Variants in PCDHGB1 observed in about 807,000 individuals in gnomAD.
PCDHGB1 encodes protocadherin gamma-B1.
PCDHGB1 carries 34 observed loss-of-function variants against 56.6 expected under a neutral mutation model. The observed-to-expected ratio is 0.60, with a 90% CI of 0.46 to 0.80. The LOEUF (loss-of-function observed/expected upper bound fraction) is 0.80, where lower values mean the gene tolerates loss of function less well. PCDHGB1 is among the 30% of genes least tolerant of loss of function. The pLI, the probability that PCDHGB1 is intolerant of heterozygous loss-of-function variation, is 0.00. For missense variants in PCDHGB1, 1,278 were observed against 1,204.6 expected, an observed-to-expected ratio of 1.06 and a Z score of -0.90; for synonymous variants, 561 against 505.9, an observed-to-expected ratio of 1.11 and a Z score of -1.46.
intron 1 of PCDHGB1, chr5:141,441,780 C>A: frequency 2.6e-6 from 1 of 391,236 alleles, no homozygotes. Flanking sequence ...GGTGGACGAC[C>A]TGAATGACAA....
In PCDHGB1 at chr5:141,381,798, C is replaced by CTCTTTCTTTCTTTCTT. The variant is rs372235829; in HGVS notation, c.2409+29138_2409+29153dup. On this transcript the variant is annotated intron_variant, in intron 1 of 3. Coordinates refer to ENST00000523390, the MANE Select transcript of PCDHGB1 (RefSeq NM_018922.3). Reference sequence around the variant, plus strand: ...ATCAGGAACAAGGCAAGGCAATTCCCTCTTTCTTTCTTTCTTTCTTTCTTC... The same window carrying CTCTTTCTTTCTTTCTT: ...ATCAGGAACAAGGCAAGGCAATTCCCTCTTTCTTTCTTTCTTTCTTTCTTTCTTTCTTTCTTTCTTC... Among the ~76,000 whole-genome samples, 49 of 144,164 alleles carry CTCTTTCTTTCTTTCTT rather than the reference C, an allele frequency of 3.4e-4. 1 individual carries two copies. The highest frequency in any genetic ancestry group is 1.3e-3 in the African/African-American group (47 of 37,522). The allele number at this position is 144,164 out of a possible 152,430, so 94.6% of individuals were successfully genotyped here. A position where few individuals can be genotyped will look rare whatever the true frequency, so the allele number is the denominator to read the frequency against.
At chr5:141,355,194 G>A (rs768677645) in intron 1 of PCDHGB1, 3 of 1,595,232 alleles carry the variant, frequency 1.9e-6, no homozygotes, top group Non-Finnish European at 2.6e-6. Flanking sequence ...TCCGCGGCGG[G>A]GTTGTAATGG....
intron 1 of PCDHGB1, chr5:141,441,621 G>T: frequency 4.5e-6 from 1 of 223,408 alleles, no homozygotes; most frequent in South Asian, 5.2e-5. Context: ...CGTGGCCAGT[G>T]ACCTGGAGCC....
Position 141,491,498 on chromosome 5 carries a change from C to T in PCDHGB1, c.2410-3309C>T, listed in dbSNP as rs975297143. 2 of 1,614,102 alleles carry T rather than the reference C, an allele frequency of 1.2e-6. No homozygotes were observed. Among genetic ancestry groups the T allele is most frequent in the Non-Finnish European group, 1.7e-6 (2 of 1,180,018 alleles). ...TCCAGCCCCAACCTGCAGGTGAGCT[C>T]GGACGGCACGCTCAAGTACATGGAG... On this transcript the variant is annotated intron_variant, in intron 1 of 3. Transcript: ENST00000523390. The surrounding 1 kb of genome is among the most constrained non-coding windows in gnomAD (Gnocchi z 6.9).
chr5:141,408,889 A>G, intron 1 of PCDHGB1: 1 of 1,613,232 alleles, frequency 6.2e-7, no homozygotes, highest in Non-Finnish European at 8.5e-7. Flanking sequence ...CTCACATAGA[A>G]ATTTCTGTCA....
At chr5:141,395,088 C>G (rs778953049) in intron 1 of PCDHGB1, 31 of 1,614,076 alleles carry the variant, frequency 1.9e-5, no homozygotes, top group East Asian at 6.7e-5. Flanking sequence ...GGAAGTCTCC[C>G]TCACCGCCGA....
intron 3 of PCDHGB1, among the ~76,000 whole-genome samples, chr5:141,510,369 C>G (rs1403924479): frequency 7.1e-6 from 1 of 140,308 alleles, no homozygotes; most frequent in Non-Finnish European, 1.6e-5. Context: ...TACCGAATCT[C>G]TACTCGTGCC....
At chr5:141,435,941 A>G (rs1354198135) in intron 1 of PCDHGB1, among the ~76,000 whole-genome samples, 1 of 152,170 alleles carries the variant, frequency 6.6e-6, no homozygotes, top group Non-Finnish European at 1.5e-5. Flanking sequence ...TGCTTCTGAG[A>G]CCAAAAAAGG....
At chr5:141,387,385 T>C (rs998102373) in intron 1 of PCDHGB1, among the ~76,000 whole-genome samples, 4 of 152,206 alleles carry the variant, frequency 2.6e-5, no homozygotes, top group African/African-American at 9.6e-5. Flanking sequence ...TTTATATAGA[T>C]AGTGCATGTT....
At chr5:141,378,725 T>C (rs999480102) in intron 1 of PCDHGB1, 1 of 152,206 alleles carries the variant, frequency 6.6e-6, no homozygotes, top group Admixed American at 6.5e-5. Flanking sequence ...ATAGGAACTC[T>C]TTATTGAAAT....
intron 1 of PCDHGB1, among the ~76,000 whole-genome samples, chr5:141,472,908 C>T (rs1369506606): frequency 1.3e-5 from 2 of 149,744 alleles, no homozygotes; most frequent in African/African-American, 2.5e-5. Context: ...ATTGCTTGAA[C>T]CCAAGAGGAG....
chr5:141,476,184 T>C lies in PCDHGB1; in HGVS notation c.2410-18623T>C, dbSNP rs1038598087. ...AGGGTAGTGGGAGTTTTGCTTCTGC[T>C]TGGTGCCTTGAACAAGGCTTCCACG... On this transcript the variant is annotated intron_variant, in intron 1 of 3. Coordinates refer to ENST00000523390, the MANE Select transcript of PCDHGB1 (RefSeq NM_018922.3). The surrounding 1 kb of genome is among the most constrained non-coding windows in gnomAD (Gnocchi z 7.6). 1 of 1,613,708 alleles carries C rather than the reference T, an allele frequency of 6.2e-7. No homozygotes were observed. Among genetic ancestry groups the C allele is most frequent in the Non-Finnish European group, 8.5e-7 (1 of 1,179,992 alleles).
At chr5:141,395,138 C>G (rs147992300) in intron 1 of PCDHGB1, 3 of 1,614,204 alleles carry the variant, frequency 1.9e-6, no homozygotes, top group Non-Finnish European at 2.5e-6. Context: ...AGCCCAACTA[C>G]GCAGACATGC....
At chr5:141,404,601 T>G (rs2094545274) in intron 1 of PCDHGB1, 2 of 1,614,056 alleles carry the variant, frequency 1.2e-6, no homozygotes, top group Admixed American at 1.7e-5. Context: ...TCATTGAGAC[T>G]GTTTGTTTTG....
At chr5:141,471,422 A>T (rs919676109) in intron 1 of PCDHGB1, 5 of 152,176 alleles carry the variant, frequency 3.3e-5, no homozygotes, top group Non-Finnish European at 5.9e-5. Context: ...GTTTTTAGCA[A>T]GGAAAGTGTA....
At position 141,361,737 on chromosome 5, in the gene PCDHGB1, C is replaced by T. The variant is rs10062250; in HGVS notation, c.2409+9068C>T. On this transcript the variant is annotated intron_variant, in intron 1 of 3. Coordinates refer to ENST00000523390, the MANE Select transcript of PCDHGB1 (RefSeq NM_018922.3). Reference sequence around the variant, plus strand: ...GCGCCTTCGAGCTCACACTGCAGGCCCGCGACCAGGGCTCGCCCGCGCTCA... The same window carrying T: ...GCGCCTTCGAGCTCACACTGCAGGCTCGCGACCAGGGCTCGCCCGCGCTCA... 1,285 of 1,613,162 alleles carry T rather than the reference C, an allele frequency of 8.0e-4. 14 individuals are homozygous for T. In the African/African-American group the frequency reaches 0.015, roughly 19 times the overall value.
At chr5:141,495,065 T>C (rs1413025171) in intron 2 of PCDHGB1, among the ~76,000 whole-genome samples, 200 bp downstream of exon 2, 1 of 152,148 alleles carries the variant, frequency 6.6e-6, no homozygotes, top group Admixed American at 6.5e-5. Flanking sequence ...TTCAGGAAGC[T>C]CAATTCACAT....
At chr5:141,385,152 G>C in intron 1 of PCDHGB1, 1 of 1,614,210 alleles carries the variant, frequency 6.2e-7, no homozygotes, top group Non-Finnish European at 8.5e-7. Flanking sequence ...CTTTCCTGCA[G>C]ACCTATTCCC....
chr5:141,479,710 T>C (rs901198074), intron 1 of PCDHGB1: 1 of 152,264 alleles, frequency 6.6e-6, no homozygotes, highest in African/African-American at 2.4e-5. Flanking sequence ...GTCCCTGTCC[T>C]TCCAGCCTTA....
Sources: gnomAD v4.1 joint callset for allele counts (sites outside exome capture counted in the v4.1 genomes callset) on GRCh38, gnomAD v4.1.1 for gene constraint, Gnocchi (gnomAD v3.1) non-coding constraint, MANE v1.5 for transcripts, NCBI Gene and HGNC (gene_info 2026-07-23, HGNC 2026-07-21) for gene names.